Variants in MSRA observed in about 807,000 individuals in gnomAD.
MSRA encodes methionine sulfoxide reductase A, also known as mitochondrial peptide methionine sulfoxide reductase.
Under a neutral mutation model 31.3 loss-of-function variants are expected in MSRA, and 54 were observed. The observed-to-expected ratio is 1.73, with a 90% CI of 1.39 to 2.17. The LOEUF (loss-of-function observed/expected upper bound fraction) is 2.17. Ranked by LOEUF, MSRA falls within the 30% of genes most tolerant of loss-of-function variation. MSRA has a pLI of 0.00. For missense variants in MSRA, 507 were observed against 300.9 expected (o/e 1.69, Z -5.07); for synonymous variants, 169 against 116.5 (o/e 1.45, Z -2.90).
In MSRA at chr8:10,143,480, G is replaced by A. The variant is rs970728879; in HGVS notation, c.143-64353G>A. Among the ~76,000 whole-genome samples the A allele has an allele frequency of 3.3e-5, 5 of 152,106 alleles. No individual in the cohort carries two copies. The East Asian group carries it at 9.6e-4, about 29-fold the overall frequency. ...CAGCGATTGTTAATCAGGATTTGTCGTTATTCCCCTTTCATCACGAGGCTC... is the reference window on the plus strand; with the variant it reads ...CAGCGATTGTTAATCAGGATTTGTCATTATTCCCCTTTCATCACGAGGCTC... On this transcript the variant is annotated intron_variant, in intron 1 of 5. Transcript: ENST00000317173.
chr8:10,055,749 T>G (rs1354029911), intron 1 of MSRA, among the ~76,000 whole-genome samples: 1 of 152,244 alleles, frequency 6.6e-6, no homozygotes, highest in East Asian at 1.9e-4. Context: ...CAAGAATTGT[T>G]GAGGATAGGA....
chr8:10,417,416 G>T (rs935762627), intron 5 of MSRA, among the ~76,000 whole-genome samples: 4 of 20,822 alleles, frequency 1.9e-4, no homozygotes, highest in Non-Finnish European at 4.3e-4. Flanking sequence ...CCCTTCGTCA[G>T]AAGACACACA....
chr8:10,250,482 C>T lies in MSRA; in HGVS notation c.331+5259C>T, dbSNP rs968009521. On this transcript the variant is annotated intron_variant, in intron 3 of 5. Coordinates refer to ENST00000317173, the MANE Select transcript of MSRA (RefSeq NM_012331.5). The stretch of plus-strand genomic sequence containing the variant: ...CAAAAGCTTTTAGAAATCTGCACAG[C>T]CAAGTGGCACTGAATCCAGAAGCAT... 7.1e-6 allele frequency: 5 copies of T among 702,140 alleles called. No homozygotes were observed. In the African/African-American group the frequency reaches 8.7e-5, roughly 12 times the overall value. 43.5% of individuals were successfully genotyped at this position (702,140 alleles called of 1,614,324 possible).
At chr8:10,286,930 T>C (rs1052140674) in intron 3 of MSRA, among the ~76,000 whole-genome samples, 1 of 152,264 alleles carries the variant, frequency 6.6e-6, no homozygotes, top group Non-Finnish European at 1.5e-5. Flanking sequence ...TTGGCGTTTT[T>C]ATTATAACTG....
chr8:10,315,262 A>G (rs1413364810), intron 4 of MSRA, among the ~76,000 whole-genome samples: 1 of 152,242 alleles, frequency 6.6e-6, no homozygotes, highest in African/African-American at 2.4e-5. Context: ...AAACCATATC[A>G]CAGGCCAAAC....
intron 5 of MSRA, among the ~76,000 whole-genome samples, chr8:10,358,904 A>G (rs1358540446): frequency 6.6e-6 from 1 of 152,208 alleles, no homozygotes; most frequent in Non-Finnish European, 1.5e-5. Context: ...TTATAGGAGC[A>G]GGAACCCTAT....
chr8:10,155,640 G>A (rs972390122), intron 1 of MSRA, among the ~76,000 whole-genome samples: 2 of 152,208 alleles, frequency 1.3e-5, no homozygotes, highest in Non-Finnish European at 2.9e-5. Flanking sequence ...AGGAAGTATG[G>A]AAGGAGAGCT....
At chr8:10,226,022 G>T (rs28515128) in intron 2 of MSRA, among the ~76,000 whole-genome samples, 2,744 of 152,294 alleles carry the variant, frequency 0.018, 83 homozygotes, top group African/African-American at 0.062. Context: ...TTGGGGAAGA[G>T]CTCATGATGC....
At chr8:10,088,687 G>A (rs1304053299) in intron 1 of MSRA, among the ~76,000 whole-genome samples, 1 of 151,970 alleles carries the variant, frequency 6.6e-6, no homozygotes, top group Non-Finnish European at 1.5e-5. Context: ...AGTGAGCTGA[G>A]ATCACACCAC....
intron 3 of MSRA, among the ~76,000 whole-genome samples, chr8:10,295,712 AC>A (rs1332673304): frequency 6.6e-6 from 1 of 152,052 alleles, no homozygotes; most frequent in Non-Finnish European, 1.5e-5. Context: ...GTCACTTGGC[AC>A]CCCCTGGAGA....
chr8:10,157,762 T>A lies in MSRA; in HGVS notation c.143-50071T>A, dbSNP rs1443115792. Reference sequence around the variant, plus strand: ...AATTGCTGATAGGCCTCTCTCCCCCTCTCTCTGCCCGCCCTCTTCTTCTTT... The same window carrying A: ...AATTGCTGATAGGCCTCTCTCCCCCACTCTCTGCCCGCCCTCTTCTTCTTT... On this transcript the variant is annotated intron_variant, in intron 1 of 5. Transcript: ENST00000317173. 2.6e-5 allele frequency among the ~76,000 whole-genome samples: 4 copies of A among 152,160 alleles called. No homozygotes were observed. The East Asian group carries it at 7.7e-4, about 29-fold the overall frequency.
At chr8:10,128,399 G>A (rs1346328657) in intron 1 of MSRA, among the ~76,000 whole-genome samples, 1 of 151,924 alleles carries the variant, frequency 6.6e-6, no homozygotes, top group East Asian at 1.9e-4. Flanking sequence ...AAAAAATTCT[G>A]TCTAAATTCC....
chr8:10,377,745 T>TCA (rs1306545653), intron 5 of MSRA, among the ~76,000 whole-genome samples: 1 of 152,186 alleles, frequency 6.6e-6, no homozygotes, highest in Non-Finnish European at 1.5e-5. Context: ...TCTGCTGGGT[T>TCA]CACAGGGCAA....
intron 2 of MSRA, among the ~76,000 whole-genome samples, chr8:10,239,322 C>T (rs984289467): frequency 2.0e-5 from 3 of 152,120 alleles, no homozygotes; most frequent in African/African-American, 7.2e-5. Context: ...CCACCATGCC[C>T]AGCTAATTTT....
At chr8:10,134,629 C>T (rs1486292324) in intron 1 of MSRA, among the ~76,000 whole-genome samples, 1 of 152,190 alleles carries the variant, frequency 6.6e-6, no homozygotes, top group African/African-American at 2.4e-5. Context: ...CTGTGGACGG[C>T]AGACCAGGCA....
intron 4 of MSRA, among the ~76,000 whole-genome samples, chr8:10,314,235 A>G (rs1801592800): frequency 1.3e-5 from 2 of 152,186 alleles, no homozygotes; most frequent in Admixed American, 6.5e-5. Flanking sequence ...AATAAAAAAT[A>G]ACAAATTGCC....
At chr8:10,104,214 A>T (rs1799723241) in intron 1 of MSRA, among the ~76,000 whole-genome samples, 1 of 152,194 alleles carries the variant, frequency 6.6e-6, no homozygotes, top group East Asian at 1.9e-4. Flanking sequence ...AATGGAGCCC[A>T]GTTTCTGAAT....
intron 1 of MSRA, among the ~76,000 whole-genome samples, chr8:10,057,572 C>T (rs780935455): frequency 6.6e-6 from 1 of 152,116 alleles, no homozygotes; most frequent in Non-Finnish European, 1.5e-5. Context: ...AATCTCATTT[C>T]GAATTGTAAT....
chr8:10,417,754 T>TTGTGTGTGTG lies in MSRA; in HGVS notation c.544-10378_544-10369dup, dbSNP rs113437676. Among the ~76,000 whole-genome samples the TTGTGTGTGTG allele has an allele frequency of 3.8e-3, 488 of 129,922 alleles. 37 individuals carry two copies. Among genetic ancestry groups the TTGTGTGTGTG allele is most frequent in the African/African-American group, 0.011 (374 of 35,200 alleles). The allele number at this position is 129,922 out of a possible 152,430, so 85.2% of individuals were successfully genotyped here. On this transcript the variant is annotated intron_variant, in intron 5 of 5. Transcript: ENST00000317173. ...TGTCTGGGCTTATTAAACCTGCATGTTGTGTGTGTGTGTGTGTGTGTGTGT... is the reference window on the plus strand; with the variant it reads ...TGTCTGGGCTTATTAAACCTGCATGTTGTGTGTGTGTGTGTGTGTGTGTGTGTGTGTGTGT...
Sources: gnomAD v4.1 joint callset for allele counts (sites outside exome capture counted in the v4.1 genomes callset) on GRCh38, gnomAD v4.1.1 for gene constraint, MANE v1.5 for transcripts, NCBI Gene and HGNC (gene_info 2026-07-23, HGNC 2026-07-21) for gene names.